SYT9: variants seen among roughly 807,000 people sequenced by gnomAD.
SYT9 encodes synaptotagmin 9.
In SYT9, 22 loss-of-function variants were observed where a neutral mutation model predicts 48.4. The ratio of observed to expected loss-of-function variants is 0.45; its 90% CI spans 0.32 to 0.65. The LOEUF (loss-of-function observed/expected upper bound fraction) is 0.65. Among genes scored for constraint, SYT9 ranks in the 30% least tolerant of loss-of-function variants. SYT9 has a pLI of 0.03. For synonymous variants in SYT9, 265 were observed against 245.0 expected (o/e 1.08, Z -0.76); for missense variants, 577 against 622.0 (o/e 0.93, Z 0.77).
chr11:7,271,792 G>A (rs1023910594), intron 1 of SYT9, among the ~76,000 whole-genome samples: 1 of 152,038 alleles, frequency 6.6e-6, no homozygotes, highest in African/African-American at 2.4e-5. Flanking sequence ...TAGCCAGGAG[G>A]GTCTCAATCT....
rs750686169 is a variant in SYT9 at position 7,417,952 on chromosome 11, T to C, written c.1166-5T>C. ...CAGTACTCCTGCTTCTCATGGTCTG[T>C]CCAGATCCCTATGTGAAAGTCTCGC... On this transcript the variant is annotated splice_region_variant and splice_polypyrimidine_tract_variant and intron_variant, in intron 4 of 6. Transcript: ENST00000318881. The C allele has an allele frequency of 6.2e-6, 10 of 1,613,036 alleles. No individual in the cohort carries two copies. Among genetic ancestry groups the C allele is most frequent in the Non-Finnish European group, 8.5e-6 (10 of 1,179,432 alleles).
intron 1 of SYT9, among the ~76,000 whole-genome samples, chr11:7,289,586 C>A (rs1409253069): frequency 6.6e-6 from 1 of 152,200 alleles, no homozygotes; most frequent in Non-Finnish European, 1.5e-5. Flanking sequence ...ACACTGCCTG[C>A]TCATAGCTAT....
chr11:7,397,027 G>A (rs1846768865), intron 3 of SYT9, among the ~76,000 whole-genome samples: 2 of 151,922 alleles, frequency 1.3e-5, no homozygotes, highest in African/African-American at 2.4e-5. Flanking sequence ...CCATTTTTTT[G>A]TATTTGGCTT....
chr11:7,248,310 C>G (rs961439365), upstream of SYT9, among the ~76,000 whole-genome samples: 40 of 151,732 alleles, frequency 2.6e-4, no homozygotes, highest in African/African-American at 9.2e-4. Flanking sequence ...TTTTCCTGTG[C>G]AAAAGCTCTT....
intron 2 of SYT9, among the ~76,000 whole-genome samples, chr11:7,308,440 G>C (rs956705752): frequency 6.6e-6 from 1 of 152,186 alleles, no homozygotes; most frequent in Non-Finnish European, 1.5e-5. Flanking sequence ...GTGCTGGCTT[G>C]TACAGAGCCT....
chr11:7,405,233 A>C (rs1291628493), intron 3 of SYT9, among the ~76,000 whole-genome samples: 1 of 151,982 alleles, frequency 6.6e-6, no homozygotes, highest in East Asian at 1.9e-4. Flanking sequence ...GACCTTTTGG[A>C]CTAGATAATT....
chr11:7,331,692 T>C (rs1176848474), intron 3 of SYT9, among the ~76,000 whole-genome samples: 1 of 152,092 alleles, frequency 6.6e-6, no homozygotes, highest in Non-Finnish European at 1.5e-5. Flanking sequence ...GCCACTGCGC[T>C]CCAGCCTGGG....
chr11:7,332,291 G>T (rs2133979534), intron 3 of SYT9, among the ~76,000 whole-genome samples: 1 of 152,292 alleles, frequency 6.6e-6, no homozygotes, highest in South Asian at 2.1e-4. Flanking sequence ...ATGGGCTGTA[G>T]GACTCCTCTG....
intron 1 of SYT9, among the ~76,000 whole-genome samples, chr11:7,282,805 T>C (rs1441072502): frequency 1.3e-5 from 2 of 152,158 alleles, no homozygotes; most frequent in Non-Finnish European, 2.9e-5. Context: ...TTGGAATGTT[T>C]CAGCCTCCTA....
intron 2 of SYT9, among the ~76,000 whole-genome samples, chr11:7,306,486 G>A (rs1297302576): frequency 6.6e-6 from 1 of 152,166 alleles, no homozygotes; most frequent in Non-Finnish European, 1.5e-5. Context: ...AACCCTAGGG[G>A]ACTATTTTAA....
At chr11:7,281,878 G>A (rs1223802595) in intron 1 of SYT9, among the ~76,000 whole-genome samples, 2 of 152,104 alleles carry the variant, frequency 1.3e-5, no homozygotes, top group African/African-American at 4.8e-5. Flanking sequence ...AGTTCATTCT[G>A]CTCCCCAAGA....
At chr11:7,451,237 G>A (rs1400536388) in intron 6 of SYT9, among the ~76,000 whole-genome samples, 1 of 152,160 alleles carries the variant, frequency 6.6e-6, no homozygotes, top group Admixed American at 6.5e-5. Context: ...TTTATTAACA[G>A]AAAGCCCTTT....
chr11:7,300,825 C>T (rs1220177584), intron 1 of SYT9, among the ~76,000 whole-genome samples: 1 of 152,140 alleles, frequency 6.6e-6, no homozygotes, highest in Non-Finnish European at 1.5e-5. Flanking sequence ...ATATTGTCTA[C>T]TCTCCTGTGT....
chr11:7,376,345 TTTCC>T (rs370224542), intron 3 of SYT9, among the ~76,000 whole-genome samples: 71 of 142,764 alleles, frequency 5.0e-4, no homozygotes, highest in East Asian at 1.4e-3. Flanking sequence ...TCCCTCTTTC[TTTCC>T]TTCCTTCCTT....
intron 1 of SYT9, among the ~76,000 whole-genome samples, chr11:7,264,144 G>T (rs1210778164): frequency 6.6e-6 from 1 of 152,086 alleles, no homozygotes; most frequent in Non-Finnish European, 1.5e-5. Flanking sequence ...TTGTATTCTT[G>T]GTGAAATAGG....
At chr11:7,366,262 C>T (rs887404221) in intron 3 of SYT9, among the ~76,000 whole-genome samples, 5 of 152,164 alleles carry the variant, frequency 3.3e-5, no homozygotes, top group African/African-American at 4.8e-5. Context: ...TCTAACCTCC[C>T]GAATTCCCAG....
At chr11:7,314,088 C>T in intron 3 of SYT9, 147 bp downstream of exon 3, 2 of 884,380 alleles carry the variant, frequency 2.3e-6, no homozygotes, top group Non-Finnish European at 1.8e-6. Context: ...TGTACCTTTT[C>T]AGAAACAGGG....
intron 6 of SYT9, chr11:7,457,771 A>T (rs1044970693): frequency 2.0e-5 from 3 of 152,234 alleles, no homozygotes; most frequent in Admixed American, 2.0e-4. Flanking sequence ...AACAGTTCTC[A>T]TAAAGGTCTT....
chr11:7,444,763 C>T (rs973831993), intron 6 of SYT9, among the ~76,000 whole-genome samples: 4 of 152,190 alleles, frequency 2.6e-5, no homozygotes, highest in South Asian at 2.1e-4. Flanking sequence ...GATTGATAGG[C>T]GGGAGCTGGG....
Sources: gnomAD v4.1 joint callset for allele counts (sites outside exome capture counted in the v4.1 genomes callset) on GRCh38, gnomAD v4.1.1 for gene constraint, MANE v1.5 for transcripts, NCBI Gene and HGNC (gene_info 2026-07-23, HGNC 2026-07-21) for gene names.